Variants in CELF4 observed in about 807,000 individuals in gnomAD.
CELF4 encodes CUGBP Elav-like family member 4.
In CELF4, 18 loss-of-function variants were observed where a neutral mutation model predicts 59.9. The ratio of observed to expected loss-of-function variants is 0.30; its 90% CI spans 0.21 to 0.45. The LOEUF is 0.45. Ranked by LOEUF, CELF4 falls within the 20% of genes least tolerant of loss-of-function variation. CELF4 has a pLI of 1.00. For synonymous variants in CELF4, 261 were observed against 267.1 expected, an observed-to-expected ratio of 0.98 and a Z score of 0.22; for missense variants, 456 against 689.0, an observed-to-expected ratio of 0.66 and a Z score of 3.79.
At chr18:37,496,210 C>T (rs187750005) in intron 1 of CELF4, among the ~76,000 whole-genome samples, 64 of 152,342 alleles carry the variant, frequency 4.2e-4, no homozygotes, top group Admixed American at 1.6e-3. Flanking sequence ...TGCCCTCAAA[C>T]GAGTGCTTGG....
intron 2 of CELF4, among the ~76,000 whole-genome samples, chr18:37,385,309 C>A (rs1227730854): frequency 3.3e-5 from 4 of 121,606 alleles, no homozygotes; most frequent in African/African-American, 6.4e-5. Flanking sequence ...GAGTGGAGAT[C>A]AAACTGCTGC....
intron 2 of CELF4, among the ~76,000 whole-genome samples, chr18:37,401,394 T>C (rs2099325177): frequency 6.6e-6 from 1 of 152,206 alleles, no homozygotes; most frequent in South Asian, 2.1e-4. Flanking sequence ...CACTGCTTCA[T>C]GGAAGAGGCA....
chr18:37,518,491 G>A (rs901712953), intron 1 of CELF4, among the ~76,000 whole-genome samples: 1 of 152,140 alleles, frequency 6.6e-6, no homozygotes, highest in African/African-American at 2.4e-5. Context: ...ACAGGAGTCA[G>A]GGAGAGAAAA....
At chr18:37,329,589 CG>C (rs2097457802) in intron 2 of CELF4, among the ~76,000 whole-genome samples, 1 of 152,216 alleles carries the variant, frequency 6.6e-6, no homozygotes, top group Admixed American at 6.5e-5. Flanking sequence ...ACAGGGTGAA[CG>C]TGACCAACCC....
intron 2 of CELF4, among the ~76,000 whole-genome samples, chr18:37,385,286 C>T (rs76592022): frequency 7.4e-5 from 10 of 135,596 alleles, no homozygotes; most frequent in East Asian, 2.3e-4. Flanking sequence ...ACTCGGGAGG[C>T]GGAGGTTGCA....
intron 7 of CELF4, among the ~76,000 whole-genome samples, chr18:37,272,229 C>A (rs55792133): frequency 6.6e-6 from 1 of 152,222 alleles, no homozygotes; most frequent in Non-Finnish European, 1.5e-5. Context: ...CTATTACCAT[C>A]TGGGGCCAGA....
intron 2 of CELF4, among the ~76,000 whole-genome samples, chr18:37,382,700 A>G (rs2099053981): frequency 6.6e-6 from 1 of 152,196 alleles, no homozygotes; most frequent in South Asian, 2.1e-4. Flanking sequence ...GTAGGTCATG[A>G]AGGCCCTTAG....
rs113679718 is a variant in CELF4, at chr18:37,342,440, A to G, written c.370-20559T>C. On this transcript the variant is annotated intron_variant, in intron 2 of 12. Coordinates refer to ENST00000420428, the MANE Select transcript of CELF4 (RefSeq NM_020180.4). ...AAGTGACCCCATGTTCTGTTTCCTG[A>G]TGCTGCAGCCTGGTGGGGAAGGGGG... 3.3e-5 allele frequency among the ~76,000 whole-genome samples: 5 copies of G among 152,258 alleles called. 1 individual carries two copies. Among genetic ancestry groups the G allele is most frequent in the African/African-American group, 1.2e-4 (5 of 41,562 alleles).
At chr18:37,313,052 G>A (rs1281580077) in intron 3 of CELF4, among the ~76,000 whole-genome samples, 1 of 152,172 alleles carries the variant, frequency 6.6e-6, no homozygotes, top group Non-Finnish European at 1.5e-5. Flanking sequence ...GAGGGTGGGG[G>A]TCTCCGGCTC....
intron 2 of CELF4, among the ~76,000 whole-genome samples, chr18:37,345,952 T>A (rs2098241420): frequency 6.6e-6 from 1 of 152,060 alleles, no homozygotes; most frequent in Non-Finnish European, 1.5e-5. Flanking sequence ...CCCCAGGAGT[T>A]CTGTCCCATT....
At chr18:37,469,160 T>C (rs573156975) in intron 2 of CELF4, among the ~76,000 whole-genome samples, 7 of 152,286 alleles carry the variant, frequency 4.6e-5, no homozygotes, top group Admixed American at 1.3e-4. Context: ...GGCAACACCA[T>C]TGGCTCCTTT....
At position 37,485,428 on chromosome 18, in the gene CELF4, T is replaced by G. The variant is rs575342190; in HGVS notation, c.369+97A>C. ...AGCTCAGGCGGGGCGGCGGGCGCCC[T>G]GCCGTCCTCTCCCCGCGCGCCGCGC... On this transcript the variant is annotated intron_variant, in intron 2 of 12. Coordinates refer to ENST00000420428, the MANE Select transcript of CELF4 (RefSeq NM_020180.4). 646 of 572,458 alleles carry G rather than the reference T, an allele frequency of 1.1e-3. 2 individuals are homozygous for G. The African/African-American group carries it at 0.012, about 11-fold the overall frequency. The allele number at this position is 572,458 out of a possible 1,614,324, so 35.5% of individuals were successfully genotyped here.
At chr18:37,287,779 A>T (rs1256765151) in intron 3 of CELF4, among the ~76,000 whole-genome samples, 1 of 152,236 alleles carries the variant, frequency 6.6e-6, no homozygotes, top group African/African-American at 2.4e-5. Flanking sequence ...ATAGAGATGG[A>T]TGGATGGTAG....
intron 1 of CELF4, among the ~76,000 whole-genome samples, chr18:37,558,966 T>A (rs937346499): frequency 1.3e-5 from 2 of 151,890 alleles, no homozygotes; most frequent in Non-Finnish European, 2.9e-5. Flanking sequence ...ATTGCTAAAA[T>A]GAGTCAGTGG....
At chr18:37,336,215 TCTC>T (rs1165170317) in intron 2 of CELF4, among the ~76,000 whole-genome samples, 3 of 152,134 alleles carry the variant, frequency 2.0e-5, no homozygotes, top group Non-Finnish European at 4.4e-5. Flanking sequence ...TGGCTGCCAG[TCTC>T]CTCCTCTCTC....
chr18:37,526,365 A>G (rs2099963827), intron 1 of CELF4, among the ~76,000 whole-genome samples: 1 of 152,182 alleles, frequency 6.6e-6, no homozygotes, highest in African/African-American at 2.4e-5. Flanking sequence ...GCTGCATCCC[A>G]TAAGGTTTGG....
chr18:37,340,801 C>T (rs1603618930), intron 2 of CELF4, among the ~76,000 whole-genome samples: 1 of 152,212 alleles, frequency 6.6e-6, no homozygotes, highest in East Asian at 1.9e-4. Flanking sequence ...GGCTCTAATC[C>T]TACCAGGCAC....
chr18:37,425,347 C>T (rs779498660), intron 2 of CELF4, among the ~76,000 whole-genome samples: 1 of 152,162 alleles, frequency 6.6e-6, no homozygotes, highest in Non-Finnish European at 1.5e-5. Flanking sequence ...AAGACAAGGC[C>T]CCTCCGGGGC....
intron 2 of CELF4, among the ~76,000 whole-genome samples, chr18:37,450,844 C>T (rs2099761543): frequency 6.6e-6 from 1 of 152,168 alleles, no homozygotes; most frequent in Admixed American, 6.5e-5. Flanking sequence ...TAGCAAGGGA[C>T]AACACATTCC....
Sources: allele counts gnomAD v4.1 joint callset (sites outside exome capture counted in the v4.1 genomes callset), GRCh38; gene constraint gnomAD v4.1.1; transcripts MANE v1.5; gene names NCBI Gene and HGNC (gene_info 2026-07-23, HGNC 2026-07-21).